Variants in ABHD1 observed in about 807,000 individuals in gnomAD.
ABHD1 encodes the protein abhydrolase domain containing 1, also known as protein ABHD1.
ABHD1 carries 47 observed loss-of-function variants against 41.4 expected under a neutral mutation model. That is an observed-to-expected ratio of 1.13 (90% confidence interval 0.90 to 1.45). The LOEUF (loss-of-function observed/expected upper bound fraction) is 1.45. Among genes scored for constraint, ABHD1 ranks in the 40% most tolerant of loss-of-function variants. ABHD1 has a pLI of 0.00. For missense variants in ABHD1, 550 were observed against 503.4 expected (o/e 1.09, Z -0.89); for synonymous variants, 205 against 203.7 (o/e 1.01, Z -0.05).
chr2:27,124,428 G>A, intron 1 of ABHD1: 2 of 368,276 alleles, frequency 5.4e-6, no homozygotes, highest in South Asian at 4.1e-5. Context: ...TGTGGGTCAT[G>A]GCTAACTCCC....
chr2:27,124,333 G>A (rs1195129490), intron 1 of ABHD1: 1 of 551,838 alleles, frequency 1.8e-6, no homozygotes, highest in East Asian at 4.0e-5. Context: ...GCATCCTGAG[G>A]TATCAGAGAT....
At chr2:27,128,327 A>T (rs954128725) in intron 1 of ABHD1, 114 bp from the exon 2 acceptor site, 9 of 1,268,222 alleles carry the variant, frequency 7.1e-6, no homozygotes, top group Non-Finnish European at 8.0e-6. Flanking sequence ...CAGACAAAGC[A>T]GGGTCCTCCA....
At chr2:27,128,780 T>A (rs937762562) in intron 2 of ABHD1, among the ~76,000 whole-genome samples, 165 bp from the exon 3 acceptor site, 1 of 152,208 alleles carries the variant, frequency 6.6e-6, no homozygotes, top group Non-Finnish European at 1.5e-5. Context: ...ATCTTTTATG[T>A]CCCCATCACA....
At position 27,128,988 on chromosome 2, in the gene ABHD1, T is replaced by C. The variant is rs750839662; in HGVS notation, c.319T>C (p.Trp107Arg). The C allele has an allele frequency of 6.2e-6, 10 of 1,614,080 alleles. No homozygotes were observed. In the Middle Eastern group the frequency reaches 1.2e-3, roughly 186 times the overall value. ...TPDGGQLLLDWAKQPDSSQDP... is the reference protein window; with the variant it reads ...TPDGGQLLLDRAKQPDSSQDP... ...AGATGGAGGCCAGCTCCTGCTAGAC[T>C]GGGCCAAGCAGCCTGACAGCAGCCA... The change falls in exon 3 of 9, where the codon TGG becomes CGG. Residue 107 changes from tryptophan (W) to arginine (R), a missense_variant. Coordinates refer to ENST00000316470, the MANE Select transcript of ABHD1 (RefSeq NM_032604.4).
Position 27,125,382 on chromosome 2 carries a change from G to A in ABHD1, c.114+1320G>A, listed in dbSNP as rs116023182. The A allele has an allele frequency of 6.1e-3, 934 of 152,264 alleles. 14 individuals carry two copies. The highest frequency in any genetic ancestry group is 0.021 in the African/African-American group (875 of 41,532). 9.4% of individuals were successfully genotyped at this position (152,264 alleles called of 1,614,324 possible). On this transcript the variant is annotated intron_variant, in intron 1 of 8. Transcript: ENST00000316470. ...AATGCAGGAAAAGTGCCATTCTGGA[G>A]GCCCTCTAGATACGGTGTTTGGATT...
At position 27,123,936 on chromosome 2, in the gene ABHD1, C is replaced by A. The variant is rs1466914397; in HGVS notation, c.-13C>A. On this transcript the variant is annotated 5_prime_UTR_variant, in exon 1 of 9. Transcript: ENST00000316470. ...CAGCCAGGAGCCTGAGGGTCGGAAG[C>A]CCCCAACACAAGATGCTGAGCTCCT... 3.7e-6 allele frequency: 6 copies of A among 1,610,762 alleles called. No homozygotes were observed. The highest frequency in any genetic ancestry group is 5.1e-6 in the Non-Finnish European group (6 of 1,176,988).
At chr2:27,130,027 A>G in intron 6 of ABHD1, 78 bp from the exon 7 acceptor site, 1 of 1,610,730 alleles carries the variant, frequency 6.2e-7, no homozygotes, top group Non-Finnish European at 8.5e-7. Context: ...GCTTCCTCAC[A>G]CATGAGATAG....
intron 1 of ABHD1, chr2:27,126,490 T>C (rs1429753774): frequency 6.6e-6 from 1 of 152,242 alleles, no homozygotes; most frequent in Non-Finnish European, 1.5e-5. Context: ...AGAAATCTGG[T>C]CCTCATGTTC....
At chr2:27,124,647 A>G (rs1255018712) in intron 1 of ABHD1, 1 of 203,496 alleles carries the variant, frequency 4.9e-6, no homozygotes, top group Non-Finnish European at 1.0e-5. Context: ...TTTCTCACTG[A>G]AATTTAGATA....
chr2:27,127,297 G>C (rs772475613), intron 1 of ABHD1, among the ~76,000 whole-genome samples: 1 of 123,126 alleles, frequency 8.1e-6, no homozygotes, highest in Non-Finnish European at 1.6e-5. Flanking sequence ...GCTCACGCCT[G>C]TAATCCCAGC....
Position 27,129,312 on chromosome 2 carries a change from A to ACAGGGCTGTCGTGTTTAACAAC in ABHD1, c.459-2_478dup. Reference sequence around the variant, plus strand: ...TGGCTAAGATGTACCTGTGTGTGCCACAGGGCTGTCGTGTTTAACAACCGG... The same window carrying ACAGGGCTGTCGTGTTTAACAAC: ...TGGCTAAGATGTACCTGTGTGTGCCACAGGGCTGTCGTGTTTAACAACCAGGGCTGTCGTGTTTAACAACCGG... On this transcript the variant is annotated splice_region_variant and splice_polypyrimidine_tract_variant and intron_variant, in intron 3 of 8. Transcript: ENST00000316470. The ACAGGGCTGTCGTGTTTAACAAC allele has an allele frequency of 6.2e-7, 1 of 1,614,166 alleles. No individual in the cohort carries two copies. The highest frequency in any genetic ancestry group is 1.1e-5 in the South Asian group (1 of 91,086).
intron 1 of ABHD1, chr2:27,126,221 T>C (rs1671949833): frequency 6.6e-6 from 1 of 152,266 alleles, no homozygotes; most frequent in Non-Finnish European, 1.5e-5. Flanking sequence ...CTGGTGGTAA[T>C]GTCATAGTTA....
In ABHD1 at chr2:27,129,541, A is replaced by T; in HGVS notation, c.532A>T (p.Thr178Ser). Residue 178 changes from threonine to serine, a missense_variant, in exon 5 of 9, where the codon ACT becomes TCT. Coordinates refer to ENST00000316470, the MANE Select transcript of ABHD1 (RefSeq NM_032604.4). ...CCACAGGGCTTTTTGTGCCAGCAAT[A>T]CTGAAGATCTAGAGACAGTCGTGAA... ...RTHRAFCASN[T>S]EDLETVVNHI... The T allele has an allele frequency of 1.9e-6, 3 of 1,614,146 alleles. No homozygotes were observed. The highest frequency in any genetic ancestry group is 1.7e-6 in the Non-Finnish European group (2 of 1,180,038).
At position 27,129,926 on chromosome 2, in the gene ABHD1, C is replaced by T. The variant is rs141714250; in HGVS notation, c.790C>T (p.Arg264Ter). Residue 264 changes from arginine (R) to a stop codon, truncating the protein, a stop_gained and splice_region_variant, in exon 6 of 9, where the codon CGA becomes TGA. Coordinates refer to ENST00000316470, the MANE Select transcript of ABHD1 (RefSeq NM_032604.4). LOFTEE classifies it high-confidence loss of function. ...TGCTGGGCTCTGCCAACTTGTGGAA[C>T]GGTAGGGTCGTGGCAAGTGGGAGGA... The part of the protein sequence containing the change: ...LTAGLCQLVE[R>*]NRKVIEKVVD... The T allele has an allele frequency of 1.7e-4, 272 of 1,613,930 alleles. No homozygotes were observed. In the East Asian group the frequency reaches 2.2e-3, roughly 13 times the overall value.
At chr2:27,124,540 T>G in intron 1 of ABHD1, 3 of 312,788 alleles carry the variant, frequency 9.6e-6, no homozygotes, top group South Asian at 7.7e-5. Flanking sequence ...TGACCCCAAC[T>G]GTCCTTGCTC....
chr2:27,129,204 A>G, intron 3 of ABHD1, 77 bp downstream of exon 3: 1 of 1,590,712 alleles, frequency 6.3e-7, no homozygotes, highest in Non-Finnish European at 8.6e-7. Flanking sequence ...GGACACTGAT[A>G]GATAAGAAGA....
intron 3 of ABHD1, 44 bp from the exon 4 acceptor site, chr2:27,129,272 G>A: frequency 3.1e-6 from 5 of 1,612,378 alleles, no homozygotes; most frequent in Non-Finnish European, 3.4e-6. Context: ...AAGGGGAGAG[G>A]GGCTAAGAAG....
In ABHD1 at chr2:27,129,254, A is replaced by T. The variant is rs1672110931; in HGVS notation, c.459-62A>T. The T allele has an allele frequency of 2.5e-6, 4 of 1,607,438 alleles. No homozygotes were observed. In the South Asian group the frequency reaches 4.4e-5, roughly 18 times the overall value. ...GAGTCTTTGGACAGGGGTCTTTCTG[A>T]ATACTGAAAGGGGAGAGGGGCTAAG... On this transcript the variant is annotated intron_variant, in intron 3 of 8. Transcript: ENST00000316470.
At position 27,129,746 on chromosome 2, in the gene ABHD1, T is replaced by G. The variant is rs192877845; in HGVS notation, c.618-8T>G. The G allele has an allele frequency of 6.8e-6, 11 of 1,613,778 alleles. No individual in the cohort carries two copies. Among genetic ancestry groups the G allele is most frequent in the Non-Finnish European group, 8.5e-6 (10 of 1,180,004 alleles). Reference sequence around the variant, plus strand: ...CCTTCTTTCATGGTCCCTTGTCCAATTCCACAGGATACTGGTGCTGAATCA... The same window carrying G: ...CCTTCTTTCATGGTCCCTTGTCCAAGTCCACAGGATACTGGTGCTGAATCA... On this transcript the variant is annotated splice_region_variant and splice_polypyrimidine_tract_variant and intron_variant, in intron 5 of 8. Transcript: ENST00000316470.
Sources: allele counts gnomAD v4.1 joint callset (sites outside exome capture counted in the v4.1 genomes callset), GRCh38; gene constraint gnomAD v4.1.1; transcripts MANE v1.5; gene names NCBI Gene and HGNC (gene_info 2026-07-23, HGNC 2026-07-21).